The following ASIC2 variants were observed in gnomAD, a reference collection of about 807,000 sequenced individuals.
ASIC2 encodes the protein acid sensing ion channel subunit 2.
In ASIC2, 25 loss-of-function variants were observed where a neutral mutation model predicts 57.3. The ratio of observed to expected loss-of-function variants is 0.44; its 90% confidence interval spans 0.32 to 0.61. ASIC2 has a LOEUF of 0.61. ASIC2 is among the 20% of genes least tolerant of loss of function. The pLI is 0.06. For missense variants in ASIC2, 641 were observed against 738.1 expected, an observed-to-expected ratio of 0.87 and a Z score of 1.52; for synonymous variants, 319 against 307.5, an observed-to-expected ratio of 1.04 and a Z score of -0.39.
chr17:33,654,254 C>T (rs1401604844), intron 1 of ASIC2, among the ~76,000 whole-genome samples: 1 of 152,210 alleles, frequency 6.6e-6, no homozygotes, highest in Non-Finnish European at 1.5e-5. Context: ...CTCACTAGAG[C>T]TTTTAGTTGA....
At chr17:33,687,874 G>T (rs1263616272) in intron 1 of ASIC2, among the ~76,000 whole-genome samples, 1 of 152,138 alleles carries the variant, frequency 6.6e-6, no homozygotes, top group Non-Finnish European at 1.5e-5. Context: ...TCCGCTATTT[G>T]GCTCTTCCCA....
intron 1 of ASIC2, among the ~76,000 whole-genome samples, chr17:33,209,647 G>T (rs986389323): frequency 3.5e-4 from 53 of 152,224 alleles, no homozygotes; most frequent in African/African-American, 1.3e-3. Context: ...GCTATAGGAA[G>T]GCAGGTGCCA....
chr17:33,153,539 C>T (rs1904881237), intron 1 of ASIC2, among the ~76,000 whole-genome samples: 1 of 152,212 alleles, frequency 6.6e-6, no homozygotes, highest in African/African-American at 2.4e-5. Context: ...GGCATGGTGT[C>T]TGGTTTCTTG....
At chr17:33,485,091 A>G (rs1355812577) in intron 1 of ASIC2, among the ~76,000 whole-genome samples, 1 of 152,218 alleles carries the variant, frequency 6.6e-6, no homozygotes, top group Admixed American at 6.5e-5. Flanking sequence ...GCTAAGCCCC[A>G]CTTTGGGGCC....
intron 1 of ASIC2, among the ~76,000 whole-genome samples, chr17:33,515,557 A>G (rs764049530): frequency 4.6e-5 from 7 of 152,240 alleles, no homozygotes; most frequent in African/African-American, 9.6e-5. Flanking sequence ...GTGTTAGCAG[A>G]GTGTCCAGTG....
intron 3 of ASIC2, among the ~76,000 whole-genome samples, chr17:33,041,874 A>G (rs2091931165): frequency 6.6e-6 from 1 of 152,268 alleles, no homozygotes; most frequent in South Asian, 2.1e-4. Context: ...TGTAAGGGGC[A>G]CTATACTCCG....
In ASIC2 at chr17:33,156,532, T is replaced by C. The variant is rs139561928; in HGVS notation, c.709-44465A>G. Among the ~76,000 whole-genome samples the C allele has an allele frequency of 9.3e-3, 1,405 of 151,782 alleles. 17 individuals are homozygous for C. The highest frequency in any genetic ancestry group is 0.032 in the African/African-American group (1,316 of 41,394). On this transcript the variant is annotated intron_variant, in intron 1 of 9. Transcript: ENST00000225823. ...CAGCACTTTGGGAGGCTGAAGTGGG[T>C]GGATCACGAGGTCAGGAGTTTGAGA...
chr17:33,863,465 A>G (rs1343158206), intron 1 of ASIC2, among the ~76,000 whole-genome samples: 1 of 152,202 alleles, frequency 6.6e-6, no homozygotes, highest in Non-Finnish European at 1.5e-5. Context: ...TAAGGTTGGG[A>G]ATGACATGGC....
intron 1 of ASIC2, among the ~76,000 whole-genome samples, chr17:33,453,915 G>A (rs1383874886): frequency 1.3e-5 from 2 of 152,030 alleles, no homozygotes; most frequent in East Asian, 3.9e-4. Context: ...TCTTTCACTC[G>A]AGGTAATTAT....
At chr17:33,852,232 T>C (rs1913788354) in intron 1 of ASIC2, among the ~76,000 whole-genome samples, 1 of 152,232 alleles carries the variant, frequency 6.6e-6, no homozygotes, top group Non-Finnish European at 1.5e-5. Flanking sequence ...CAATGAGGCC[T>C]TTTACCAAAG....
chr17:34,009,885 T>C (rs1597972193), intron 1 of ASIC2, among the ~76,000 whole-genome samples: 1 of 152,178 alleles, frequency 6.6e-6, no homozygotes, highest in East Asian at 1.9e-4. Flanking sequence ...ACGGGAGGGG[T>C]GCATGAGGAG....
intron 1 of ASIC2, among the ~76,000 whole-genome samples, chr17:34,021,125 C>T (rs933744139): frequency 1.3e-5 from 2 of 152,058 alleles, no homozygotes; most frequent in Admixed American, 1.3e-4. Flanking sequence ...TAAAAGACTA[C>T]ACATTGGGTA....
intron 3 of ASIC2, 105 bp downstream of exon 3, chr17:33,088,758 A>G: frequency 7.2e-7 from 1 of 1,393,320 alleles, no homozygotes; most frequent in Non-Finnish European, 9.4e-7. Context: ...CTAGTTTCAC[A>G]GTAAAGCCCT....
intron 1 of ASIC2, among the ~76,000 whole-genome samples, chr17:33,343,102 A>G (rs543059464): frequency 6.6e-6 from 1 of 152,286 alleles, no homozygotes; most frequent in East Asian, 1.9e-4. Flanking sequence ...CCTCATTCCA[A>G]ATTGTAGCAG....
chr17:33,333,965 T>C (rs1907416390), intron 1 of ASIC2, among the ~76,000 whole-genome samples: 1 of 152,194 alleles, frequency 6.6e-6, no homozygotes, highest in Admixed American at 6.5e-5. Context: ...TTCAGTGGTG[T>C]TGGCACAACA....
chr17:33,931,991 A>G (rs991157183), intron 1 of ASIC2, among the ~76,000 whole-genome samples: 1 of 152,194 alleles, frequency 6.6e-6, no homozygotes, highest in East Asian at 1.9e-4. Flanking sequence ...GTCGGGCTCA[A>G]TTTATATCCT....
chr17:33,169,229 G>T (rs1156481663), intron 1 of ASIC2, among the ~76,000 whole-genome samples: 1 of 152,184 alleles, frequency 6.6e-6, no homozygotes, highest in Non-Finnish European at 1.5e-5. Context: ...GAATTCTATA[G>T]GAACAAAGAA....
At chr17:33,308,950 G>T (rs1162833046) in intron 1 of ASIC2, among the ~76,000 whole-genome samples, 5 of 152,192 alleles carry the variant, frequency 3.3e-5, no homozygotes, top group Non-Finnish European at 7.3e-5. Flanking sequence ...TGGCATTGAG[G>T]TAGCCATGTT....
chr17:33,926,674 TA>T (rs1348959078), intron 1 of ASIC2, among the ~76,000 whole-genome samples: 2 of 152,202 alleles, frequency 1.3e-5, no homozygotes, highest in Non-Finnish European at 2.9e-5. Flanking sequence ...CATAAGTACT[TA>T]AGAGTAAAAA....
Sources: gnomAD v4.1 joint callset for allele counts (sites outside exome capture counted in the v4.1 genomes callset) on GRCh38, gnomAD v4.1.1 for gene constraint, MANE v1.5 for transcripts, NCBI Gene and HGNC (gene_info 2026-07-23, HGNC 2026-07-21) for gene names.